The following HECTD4 variants were observed in gnomAD, a reference collection of about 807,000 sequenced individuals.
HECTD4 encodes probable E3 ubiquitin-protein ligase HECTD4.
HECTD4 carries 114 observed loss-of-function variants against 471.5 expected under a neutral mutation model. That is an observed-to-expected ratio of 0.24 (90% CI 0.21 to 0.28). The LOEUF is 0.28. Among genes scored for constraint, HECTD4 ranks in the 10% least tolerant of loss-of-function variants. HECTD4 has a pLI of 1.00. For missense variants in HECTD4, 3,866 were observed against 5,651.5 expected (o/e 0.68, Z 10.13); for synonymous variants, 2,012 against 2,256.0 (o/e 0.89, Z 3.07).
chr12:112,297,941 G>C (rs1165673190), intron 7 of HECTD4, among the ~76,000 whole-genome samples: 1 of 152,114 alleles, frequency 6.6e-6, no homozygotes, highest in Non-Finnish European at 1.5e-5. Context: ...GACTCAGCAG[G>C]AACAATCAGC....
chr12:112,192,895 G>A, intron 58 of HECTD4, 130 bp from the exon 59 acceptor site: 1 of 1,201,236 alleles, frequency 8.3e-7, no homozygotes, highest in Non-Finnish European at 1.2e-6. Context: ...CACTTTGGAA[G>A]GTCATTCTTT....
chr12:112,184,187 C>T lies in HECTD4; in HGVS notation c.10779G>A (p.Glu3593=). The change falls in exon 61 of 76, where the codon GAG becomes GAA. Residue 3593 remains glutamate (E), a splice_region_variant and synonymous_variant. Coordinates refer to ENST00000682272, the MANE Select transcript of HECTD4 (RefSeq NM_001388303.1). This position sits in a 1 kb window ranked among gnomAD's most constrained non-coding sequence, Gnocchi z 9.1. ...GTTGCAGAGGCTTGAAAGCTGTTAC[C>T]TCCACGACTGCGAAGCCTTTGATGG... ...ARPIKGFAVV[E]IRSRAKIEKI... is the part of the protein sequence containing the mutation. The T allele has an allele frequency of 6.2e-7, 1 of 1,604,858 alleles. No individual in the cohort carries two copies.
intron 7 of HECTD4, among the ~76,000 whole-genome samples, chr12:112,297,255 G>GT (rs1336391550): frequency 1.4e-5 from 2 of 143,256 alleles, no homozygotes; most frequent in African/African-American, 2.7e-5. Flanking sequence ...GCAGCAAGTG[G>GT]TAAGTGCAGA....
chr12:112,292,200 T>C (rs1189300187), intron 7 of HECTD4, among the ~76,000 whole-genome samples: 1 of 152,178 alleles, frequency 6.6e-6, no homozygotes, highest in Non-Finnish European at 1.5e-5. Flanking sequence ...CTTCTTGTTG[T>C]TCTTCCTCAA....
chr12:112,208,101 TA>T (rs2032649362), intron 51 of HECTD4, 101 bp from the exon 52 acceptor site: 51 of 1,304,790 alleles, frequency 3.9e-5, no homozygotes, highest in Non-Finnish European at 5.0e-5. Context: ...TCACCCCACT[TA>T]AATGCCAGTA....
Position 112,230,743 on chromosome 12 carries a change from A to C in HECTD4, c.6280T>G (p.Leu2094Val). The change falls in exon 40 of 76, where the codon TTG becomes GTG. Residue 2094 changes from leucine (L) to valine (V), a missense_variant. Around this residue, in one of 16 missense-constraint regions of HECTD4, gnomAD observed 617 missense variants for 915.1 expected, o/e 0.67. Coordinates refer to ENST00000682272, the MANE Select transcript of HECTD4 (RefSeq NM_001388303.1). Reference protein sequence around the residue: ...AAEVIALLHSLLMAPESNAAQ... With the variant: ...AAEVIALLHSVLMAPESNAAQ... ...GCATTTGATTCAGGTGCCATGAGCAAGCTATGTAGCAAGGCGATCACTTCT... is the reference window on the plus strand; with the variant it reads ...GCATTTGATTCAGGTGCCATGAGCACGCTATGTAGCAAGGCGATCACTTCT... 6.2e-7 allele frequency: 1 copy of C among 1,611,204 alleles called. No homozygotes were observed.
chr12:112,296,388 G>A (rs897498725), intron 7 of HECTD4, among the ~76,000 whole-genome samples: 21 of 150,132 alleles, frequency 1.4e-4, no homozygotes, highest in African/African-American at 5.2e-4. Context: ...GAAGGTGTAG[G>A]TGGAGTGGAT....
At chr12:112,312,043 C>T (rs371528567) in intron 4 of HECTD4, among the ~76,000 whole-genome samples, 127 of 152,272 alleles carry the variant, frequency 8.3e-4, no homozygotes, top group African/African-American at 2.9e-3. Context: ...GGGGGCCTGC[C>T]GCTTAGATTC....
At position 112,166,465 on chromosome 12, in the gene HECTD4, C is replaced by T. The variant is rs2030964942; in HGVS notation, c.12534+852G>A. On this transcript the variant is annotated intron_variant, in intron 72 of 75. Transcript: ENST00000682272. This position sits in a 1 kb window ranked among gnomAD's most constrained non-coding sequence, Gnocchi z 4.6. ...TGCCGGGCCTCAGGCACGACGTCCA[C>T]TCTCGTGGCCTTGAGGGGCGCTGGG... is the stretch of plus-strand genomic sequence containing the variant. 1 of 152,286 alleles carries T rather than the reference C, an allele frequency of 6.6e-6. No homozygotes were observed. Among genetic ancestry groups the T allele is most frequent in the South Asian group, 2.1e-4 (1 of 4,828 alleles). 9.4% of individuals were successfully genotyped at this position (152,286 alleles called of 1,614,324 possible). A position where few individuals can be genotyped will look rare whatever the true frequency, so the allele number is the denominator to read the frequency against.
chr12:112,301,758 T>C (rs1326486576), intron 7 of HECTD4: 4 of 489,380 alleles, frequency 8.2e-6, no homozygotes, highest in Non-Finnish European at 1.5e-5. Flanking sequence ...CACAGAGCAG[T>C]TGGTGCTTAT....
At chr12:112,258,788 T>C (rs1410979089) in intron 19 of HECTD4, 192 bp from the exon 20 acceptor site, 2 of 564,786 alleles carry the variant, frequency 3.5e-6, no homozygotes, top group African/African-American at 3.9e-5. Flanking sequence ...ATGCATCATT[T>C]ATATTAGCTA....
intron 49 of HECTD4, among the ~76,000 whole-genome samples, chr12:112,211,328 A>G (rs2135544065): frequency 6.6e-6 from 1 of 152,244 alleles, no homozygotes; most frequent in East Asian, 1.9e-4. Flanking sequence ...TGATACTCCC[A>G]ACTCAGCCTC....
intron 6 of HECTD4, among the ~76,000 whole-genome samples, chr12:112,306,467 G>A (rs1382750014): frequency 1.3e-5 from 2 of 152,138 alleles, no homozygotes; most frequent in Non-Finnish European, 2.9e-5. Flanking sequence ...CAGATGAAAA[G>A]GTTCTTGGGA....
At chr12:112,289,335 T>C (rs1239708555) in intron 7 of HECTD4, among the ~76,000 whole-genome samples, 1 of 152,218 alleles carries the variant, frequency 6.6e-6, no homozygotes, top group African/African-American at 2.4e-5. Flanking sequence ...TATATTTCTA[T>C]AGTCTGCCTT....
At chr12:112,262,012 TA>T (rs1243871400) in intron 17 of HECTD4, 1 of 152,236 alleles carries the variant, frequency 6.6e-6, no homozygotes, top group Non-Finnish European at 1.5e-5. Flanking sequence ...AACATTAAAA[TA>T]ACTATTAGAG....
Position 112,163,580 on chromosome 12 carries a change from T to C in HECTD4, c.12859A>G (p.Thr4287Ala), listed in dbSNP as rs1165450064. 6.6e-7 allele frequency: 1 copy of C among 1,507,632 alleles called. No individual in the cohort carries two copies. Among genetic ancestry groups the C allele is most frequent in the Non-Finnish European group, 8.9e-7 (1 of 1,128,294 alleles). 93.4% of individuals were successfully genotyped at this position (1,507,632 alleles called of 1,614,324 possible). A position where few individuals can be genotyped will look rare whatever the true frequency, so the allele number is the denominator to read the frequency against. Residue 4287 changes from threonine to alanine, a missense_variant, in exon 74 of 76, where the codon ACC (threonine) becomes GCC (alanine). Coordinates refer to ENST00000682272, the MANE Select transcript of HECTD4 (RefSeq NM_001388303.1). This position sits in a 1 kb window ranked among gnomAD's most constrained non-coding sequence, Gnocchi z 8.2. Reference protein sequence around the residue: ...MLSPLEMELRTCGLPYINLEF... With the variant: ...MLSPLEMELRACGLPYINLEF... ...AGGTTGATGTAGGGGAGGCCGCAGGTGCGCAGCTCCATCTCCAGTGGGCTG... is the reference window on the plus strand; with the variant it reads ...AGGTTGATGTAGGGGAGGCCGCAGGCGCGCAGCTCCATCTCCAGTGGGCTG...
At chr12:112,271,193 C>T (rs2034405661) in intron 11 of HECTD4, among the ~76,000 whole-genome samples, 1 of 152,112 alleles carries the variant, frequency 6.6e-6, no homozygotes, top group African/African-American at 2.4e-5. Context: ...AGAATGAAAG[C>T]TGAGAAAAAA....
intron 72 of HECTD4, among the ~76,000 whole-genome samples, chr12:112,165,814 C>T (rs1044252405): frequency 6.6e-6 from 1 of 152,220 alleles, no homozygotes; most frequent in South Asian, 2.1e-4. Flanking sequence ...GAAACTGATT[C>T]GCACTGTGCT....
chr12:112,298,896 A>C (rs920553505), intron 7 of HECTD4, among the ~76,000 whole-genome samples: 3 of 150,306 alleles, frequency 2.0e-5, no homozygotes, highest in South Asian at 2.1e-4. Context: ...AAAAAAAAAA[A>C]ACACAAAGTG....
Sources: allele counts gnomAD v4.1 joint callset (sites outside exome capture counted in the v4.1 genomes callset), GRCh38; gene constraint gnomAD v4.1.1; regional missense constraint gnomAD v4.1.1; non-coding constraint Gnocchi (gnomAD v3.1); transcripts MANE v1.5; gene names NCBI Gene and HGNC (gene_info 2026-07-23, HGNC 2026-07-21).